Variants in ALPK1 observed in about 807,000 individuals in gnomAD.
ALPK1 encodes alpha kinase 1.
Under a neutral mutation model 120.6 loss-of-function variants are expected in ALPK1, and 110 were observed. That is an observed-to-expected ratio of 0.91 (90% CI 0.78 to 1.07). The LOEUF is 1.07. Ranked by LOEUF, ALPK1 falls within the 50% of genes least tolerant of loss-of-function variation. The pLI is 0.00. For synonymous variants in ALPK1, 582 were observed against 560.3 expected, an observed-to-expected ratio of 1.04 and a Z score of -0.55; for missense variants, 1,498 against 1,483.9, an observed-to-expected ratio of 1.01 and a Z score of -0.16.
intron 1 of ALPK1, among the ~76,000 whole-genome samples, chr4:112,308,580 C>G (rs1728233261): frequency 6.6e-6 from 1 of 152,080 alleles, no homozygotes; most frequent in Non-Finnish European, 1.5e-5. Context: ...ATTTCTTGTT[C>G]CATGGTTTTC....
intron 5 of ALPK1, among the ~76,000 whole-genome samples, chr4:112,416,510 C>T (rs946532539): frequency 1.4e-4 from 22 of 152,070 alleles, no homozygotes; most frequent in African/African-American, 3.6e-4. Flanking sequence ...AGACTTCTAG[C>T]GGGACTAACT....
intron 2 of ALPK1, among the ~76,000 whole-genome samples, chr4:112,349,956 G>A (rs919188301): frequency 2.6e-5 from 4 of 151,844 alleles, no homozygotes; most frequent in Non-Finnish European, 5.9e-5. Flanking sequence ...CACTATTACA[G>A]TGTCCTAGTA....
chr4:112,434,273 C>T (rs2148765015), intron 11 of ALPK1, among the ~76,000 whole-genome samples: 1 of 152,304 alleles, frequency 6.6e-6, no homozygotes, highest in Admixed American at 6.5e-5. Context: ...TGTGGACAGA[C>T]AACTCACCTT....
intron 1 of ALPK1, among the ~76,000 whole-genome samples, chr4:112,310,917 A>G (rs1384086193): frequency 1.3e-5 from 2 of 152,104 alleles, no homozygotes; most frequent in African/African-American, 4.8e-5. Context: ...GGGAGAGCGG[A>G]AGTAGCACTA....
At chr4:112,358,051 G>A (rs944032268) in intron 2 of ALPK1, 20 of 592,152 alleles carry the variant, frequency 3.4e-5, no homozygotes, top group African/African-American at 1.7e-4. Context: ...TGATCATCAC[G>A]GGCCTCCATA....
chr4:112,332,868 T>G (rs1729446177), intron 2 of ALPK1, among the ~76,000 whole-genome samples: 1 of 152,190 alleles, frequency 6.6e-6, no homozygotes, highest in African/African-American at 2.4e-5. Flanking sequence ...TCTAACTATT[T>G]TAGTTTCTTC....
At chr4:112,423,392 A>G (rs917485502) in intron 5 of ALPK1, among the ~76,000 whole-genome samples, 1 of 152,234 alleles carries the variant, frequency 6.6e-6, no homozygotes, top group African/African-American at 2.4e-5. Context: ...AAGCCAGATC[A>G]TGTAGGGCTT....
chr4:112,355,443 G>T (rs1305300749), intron 2 of ALPK1, among the ~76,000 whole-genome samples: 2 of 152,190 alleles, frequency 1.3e-5, no homozygotes, highest in Non-Finnish European at 2.9e-5. Flanking sequence ...GGGCTATCAG[G>T]ATCCAGGTTC....
intron 4 of ALPK1, among the ~76,000 whole-genome samples, chr4:112,385,006 C>CAAGAGGGAGTGACTCAG (rs1325168769): frequency 1.4e-4 from 21 of 152,132 alleles, no homozygotes; most frequent in Admixed American, 1.2e-3. Flanking sequence ...AACGGCCTCA[C>CAAGAGGGAGTGACTCAG]AAGAGGGAGT....
At chr4:112,391,757 G>C (rs1005408095) in intron 4 of ALPK1, among the ~76,000 whole-genome samples, 1 of 152,154 alleles carries the variant, frequency 6.6e-6, no homozygotes, top group African/African-American at 2.4e-5. Flanking sequence ...CCCCACTGAC[G>C]TCTTGATTTC....
chr4:112,328,685 CT>C (rs1365176249), intron 2 of ALPK1, among the ~76,000 whole-genome samples: 1 of 152,150 alleles, frequency 6.6e-6, no homozygotes, highest in Non-Finnish European at 1.5e-5. Context: ...AAATATGAAT[CT>C]TTTTTCCTTA....
intron 4 of ALPK1, among the ~76,000 whole-genome samples, chr4:112,402,684 C>T (rs1483207758): frequency 6.6e-6 from 1 of 152,224 alleles, no homozygotes; most frequent in Non-Finnish European, 1.5e-5. Flanking sequence ...AGCACATTCT[C>T]TCATCCATAT....
At chr4:112,413,360 A>T (rs180754561) in intron 5 of ALPK1, among the ~76,000 whole-genome samples, 1 of 152,346 alleles carries the variant, frequency 6.6e-6, no homozygotes, top group African/African-American at 2.4e-5. Flanking sequence ...TCAAATGGTA[A>T]ACAGGGACGT....
At chr4:112,429,319 C>T in intron 10 of ALPK1, 66 bp downstream of exon 10, 1 of 1,261,828 alleles carries the variant, frequency 7.9e-7, no homozygotes, top group Non-Finnish European at 1.1e-6. Flanking sequence ...CTGATGTAAC[C>T]AGTGAGAAGG....
intron 4 of ALPK1, chr4:112,382,792 A>T (rs543959538): frequency 2.2e-6 from 1 of 463,012 alleles, no homozygotes; most frequent in East Asian, 3.7e-5. Flanking sequence ...GTCTAACATG[A>T]ACCCTGTCAT....
At chr4:112,334,532 G>T (rs1370196566) in intron 2 of ALPK1, among the ~76,000 whole-genome samples, 2 of 152,078 alleles carry the variant, frequency 1.3e-5, no homozygotes, top group African/African-American at 2.4e-5. Flanking sequence ...AATACGGCAA[G>T]AATCTAAATA....
intron 2 of ALPK1, chr4:112,358,940 C>T: frequency 3.9e-6 from 3 of 769,042 alleles, no homozygotes; most frequent in Admixed American, 3.4e-5. Flanking sequence ...AGCTCCAGGG[C>T]TTCTACCAGT....
At chr4:112,305,467 T>A (rs1416268077) in intron 1 of ALPK1, among the ~76,000 whole-genome samples, 4 of 152,078 alleles carry the variant, frequency 2.6e-5, no homozygotes, top group African/African-American at 2.4e-5. Flanking sequence ...GTCCTTCACA[T>A]CCCTTGTAAG....
intron 5 of ALPK1, among the ~76,000 whole-genome samples, chr4:112,418,436 T>C (rs966896538): frequency 2.0e-5 from 3 of 152,224 alleles, no homozygotes; most frequent in Non-Finnish European, 4.4e-5. Flanking sequence ...GCTGACCCTC[T>C]GCACAATGAG....
Sources: allele counts gnomAD v4.1 joint callset (sites outside exome capture counted in the v4.1 genomes callset), GRCh38; gene constraint gnomAD v4.1.1; transcripts MANE v1.5; gene names NCBI Gene and HGNC (gene_info 2026-07-23, HGNC 2026-07-21).